DBX2: variants seen among roughly 807,000 people sequenced by gnomAD.
The protein encoded by DBX2 is homeobox protein DBX2.
A neutral mutation model predicts 17.7 loss-of-function variants in DBX2; 16 were observed. The ratio of observed to expected loss-of-function variants is 0.90; its 90% CI spans 0.61 to 1.37. The LOEUF (loss-of-function observed/expected upper bound fraction) is 1.37. Ranked by LOEUF, DBX2 falls within the 40% of genes most tolerant of loss-of-function variation. The pLI is 0.00. For synonymous variants in DBX2, 255 were observed against 183.8 expected (o/e 1.39, Z -3.13); for missense variants, 538 against 433.8 (o/e 1.24, Z -2.13).
chr12:45,049,672 A>T (rs1400016876), intron 1 of DBX2, among the ~76,000 whole-genome samples: 1 of 151,978 alleles, frequency 6.6e-6, no homozygotes, highest in Admixed American at 6.6e-5. Context: ...CAAAAAAAAA[A>T]AAAAATCCAA....
At chr12:45,041,851 C>T (rs1946473181) in intron 1 of DBX2, among the ~76,000 whole-genome samples, 1 of 152,194 alleles carries the variant, frequency 6.6e-6, no homozygotes, top group South Asian at 2.1e-4. Context: ...CTTTAACTTA[C>T]AGATTTGAGT....
intron 1 of DBX2, among the ~76,000 whole-genome samples, chr12:45,048,018 G>C (rs1031525674): frequency 6.6e-6 from 1 of 152,198 alleles, no homozygotes; most frequent in African/African-American, 2.4e-5. Context: ...CATCTGTCTT[G>C]TTAACTGATT....
rs1946322233 is a variant in DBX2 at position 45,016,201 on chromosome 12, C to T, written c.*85G>A. The T allele has an allele frequency of 1.6e-5, 22 of 1,411,296 alleles. No individual in the cohort carries two copies. The highest frequency in any genetic ancestry group is 1.8e-5 in the Non-Finnish European group (19 of 1,053,356). 87.4% of individuals were successfully genotyped at this position (1,411,296 alleles called of 1,614,324 possible). ...CTCCAAAGTTGTTAGGCTCTAAGCA[C>T]TGATGAGGTACAAGCTAGCTGGCAT... is the stretch of plus-strand genomic sequence containing the variant. On this transcript the variant is annotated 3_prime_UTR_variant, in exon 4 of 4. Coordinates refer to ENST00000332700, the MANE Select transcript of DBX2 (RefSeq NM_001004329.3).
chr12:45,045,960 CTAAG>C (rs1237451047), intron 1 of DBX2, among the ~76,000 whole-genome samples: 1 of 152,126 alleles, frequency 6.6e-6, no homozygotes, highest in Non-Finnish European at 1.5e-5. Flanking sequence ...AGGAATGGAG[CTAAG>C]TAAGTGGAAA....
intron 3 of DBX2, 133 bp from the exon 4 acceptor site, chr12:45,016,751 G>T: frequency 1.4e-6 from 1 of 738,456 alleles, no homozygotes; most frequent in Non-Finnish European, 2.0e-6. Context: ...AAAAGTCCTT[G>T]TGGCTTTTCA....
Position 45,019,685 on chromosome 12 carries a change from T to G in DBX2, c.688-3067A>C, listed in dbSNP as rs1946341415. ...ATTGGAAGTAACTTAAAATTGACGA[T>G]GGTGAAATGATGGTCTGTTATGAAA... On this transcript the variant is annotated intron_variant, in intron 3 of 3. Transcript: ENST00000332700. Among the ~76,000 whole-genome samples the G allele has an allele frequency of 2.0e-5, 3 of 152,098 alleles. No individual in the cohort carries two copies. The South Asian group carries it at 6.2e-4, about 31-fold the overall frequency.
At chr12:45,026,325 G>A (rs545885186) in intron 2 of DBX2, among the ~76,000 whole-genome samples, 1 of 152,246 alleles carries the variant, frequency 6.6e-6, no homozygotes, top group South Asian at 2.1e-4. Context: ...AGCAGGGCAG[G>A]ACATAATAAT....
intron 1 of DBX2, among the ~76,000 whole-genome samples, chr12:45,044,304 C>G (rs1407460990): frequency 6.6e-6 from 1 of 152,130 alleles, no homozygotes. Context: ...CCTAGGTTAT[C>G]TATTAAAAAC....
At chr12:45,048,591 A>G (rs549315965) in intron 1 of DBX2, among the ~76,000 whole-genome samples, 148 of 152,302 alleles carry the variant, frequency 9.7e-4, no homozygotes, top group Non-Finnish European at 1.5e-3. Context: ...AACCGGGGCA[A>G]TGTTCAGAAA....
chr12:45,021,779 A>G (rs889482066), intron 3 of DBX2, among the ~76,000 whole-genome samples: 1 of 152,164 alleles, frequency 6.6e-6, no homozygotes, highest in Non-Finnish European at 1.5e-5. Flanking sequence ...GATCAACATA[A>G]GGCTTCAGAA....
intron 3 of DBX2, among the ~76,000 whole-genome samples, chr12:45,018,528 G>A (rs367854853): frequency 6.6e-5 from 10 of 152,106 alleles, no homozygotes; most frequent in African/African-American, 2.2e-4. Context: ...GATAGTCTTG[G>A]GGAAACGAAT....
chr12:45,044,782 A>G (rs1392410679), intron 1 of DBX2, among the ~76,000 whole-genome samples: 1 of 152,140 alleles, frequency 6.6e-6, no homozygotes, highest in Non-Finnish European at 1.5e-5. Context: ...TGTGCCCCTG[A>G]CATATTCTCA....
At position 45,023,836 on chromosome 12, in the gene DBX2, G is replaced by A; in HGVS notation, c.558C>T (p.Gly186=). The A allele has an allele frequency of 6.2e-7, 1 of 1,605,812 alleles. No individual in the cohort carries two copies. The change falls in exon 3 of 4, where the codon GGC becomes GGT. Residue 186 remains glycine, a synonymous_variant. Coordinates refer to ENST00000332700, the MANE Select transcript of DBX2 (RefSeq NM_001004329.3). ...TQDSNSKARR[G]ILRRAVFSED... is the part of the protein sequence containing the mutation. Reference sequence around the variant, plus strand: ...CAGAAAAGACAGCTCTTCTTAAAATGCCCCTCCGAGCTTTGGAATTAGAGT... The same window carrying A: ...CAGAAAAGACAGCTCTTCTTAAAATACCCCTCCGAGCTTTGGAATTAGAGT...
At position 45,050,638 on chromosome 12, in the gene DBX2, G is replaced by GC; in HGVS notation, c.289dup (p.Ala97GlyfsTer84). 6.5e-7 allele frequency: 1 copy of GC among 1,549,940 alleles called. No individual in the cohort carries two copies. On this transcript the variant is annotated frameshift_variant, in exon 1 of 4. Coordinates refer to ENST00000332700, the MANE Select transcript of DBX2 (RefSeq NM_001004329.3). LOFTEE classifies it high-confidence loss of function. ...AAAAGCCCACCGCGTTCCGTAGGGC[G>GC]CCCCGGCGGGGCTAACTTGTTCGGC...
chr12:45,036,804 A>G (rs1946443446), intron 1 of DBX2, among the ~76,000 whole-genome samples: 1 of 152,214 alleles, frequency 6.6e-6, no homozygotes, highest in South Asian at 2.1e-4. Context: ...TCACATTTAC[A>G]TGACTTAAAG....
At position 45,023,702 on chromosome 12, in the gene DBX2, A is replaced by C. The variant is rs768859215; in HGVS notation, c.687+5T>G. 1 of 1,614,086 alleles carries C rather than the reference A, an allele frequency of 6.2e-7. No individual in the cohort carries two copies. Among genetic ancestry groups the C allele is most frequent in the South Asian group, 1.1e-5 (1 of 91,066 alleles). On this transcript the variant is annotated splice_donor_5th_base_variant and intron_variant, in intron 3 of 3. Transcript: ENST00000332700. ...GGCAGTAGACATCTTCCTGCTTATT[A>C]GTACCTGTGATTCCTTTAGTCCCAA...
intron 1 of DBX2, among the ~76,000 whole-genome samples, chr12:45,050,082 A>G (rs1946521051): frequency 6.6e-6 from 1 of 152,102 alleles, no homozygotes; most frequent in Admixed American, 6.6e-5. Flanking sequence ...AATCTCCCCA[A>G]GTTGGGCCGC....
intron 1 of DBX2, among the ~76,000 whole-genome samples, chr12:45,047,538 T>A (rs111714935): frequency 6.6e-6 from 1 of 152,120 alleles, no homozygotes. Flanking sequence ...TTTTCAGGGA[T>A]GAAGCACTGA....
chr12:45,046,092 GCA>G (rs1048649851), intron 1 of DBX2, among the ~76,000 whole-genome samples: 2 of 152,146 alleles, frequency 1.3e-5, no homozygotes, highest in African/African-American at 4.8e-5. Flanking sequence ...AAGAAGAGAA[GCA>G]TGTGTTGGGG....
Sources: gnomAD v4.1 joint callset for allele counts (sites outside exome capture counted in the v4.1 genomes callset) on GRCh38, gnomAD v4.1.1 for gene constraint, MANE v1.5 for transcripts, NCBI Gene and HGNC (gene_info 2026-07-23, HGNC 2026-07-21) for gene names.